The following HMCN1 variants were observed in gnomAD, a reference collection of about 807,000 sequenced individuals.
The protein encoded by HMCN1 is hemicentin-1.
A neutral mutation model predicts 625.9 loss-of-function variants in HMCN1; 321 were observed. That is an observed-to-expected ratio of 0.51 (90% confidence interval 0.47 to 0.56). The LOEUF is 0.56. HMCN1 is among the 20% of genes least tolerant of loss of function. The pLI, the probability that HMCN1 is intolerant of heterozygous loss-of-function variation, is 0.00. For missense variants in HMCN1, 6,588 were observed against 6,887.3 expected (o/e 0.96, Z 1.54); for synonymous variants, 2,425 against 2,417.6 (o/e 1.00, Z -0.09).
Position 186,063,034 on chromosome 1 carries a change from ATGTGTGTGTGTGTG to A in HMCN1, c.7513+453_7513+466del, listed in dbSNP as rs376321567. On this transcript the variant is annotated intron_variant, in intron 48 of 106. Transcript: ENST00000271588. The stretch of plus-strand genomic sequence containing the variant: ...TTATGGATAGGTAGTATTCCATGGA[ATGTGTGTGTGTGTG>A]TGTGTGTGTGTGTGTGTGCATATAT... Among the ~76,000 whole-genome samples, 9 of 95,174 alleles carry A rather than the reference ATGTGTGTGTGTGTG, an allele frequency of 9.5e-5. 1 individual carries two copies. The highest frequency in any genetic ancestry group is 3.3e-4 in the Admixed American group (3 of 9,022). 62.4% of individuals were successfully genotyped at this position (95,174 alleles called of 152,430 possible). A position where few individuals can be genotyped will look rare whatever the true frequency, so the allele number is the denominator to read the frequency against.
chr1:186,122,899 C>T (rs1661462499), intron 80 of HMCN1, 52 bp from the exon 81 acceptor site: 1 of 1,578,994 alleles, frequency 6.3e-7, no homozygotes, highest in Admixed American at 1.7e-5. Flanking sequence ...GTAATTTGCG[C>T]ACTCATGCTT....
chr1:186,168,085 T>C (rs1651990471), intron 100 of HMCN1, among the ~76,000 whole-genome samples: 1 of 151,630 alleles, frequency 6.6e-6, no homozygotes, highest in Admixed American at 6.6e-5. Flanking sequence ...GAAAAGAGTA[T>C]GTAACTGGAA....
At chr1:186,107,706 C>T (rs915912686) in intron 70 of HMCN1, among the ~76,000 whole-genome samples, 1 of 152,052 alleles carries the variant, frequency 6.6e-6, no homozygotes, top group African/African-American at 2.4e-5. Flanking sequence ...TTTGCATGCA[C>T]ATGTTAGCCC....
At chr1:185,914,927 A>T (rs1258147890) in intron 6 of HMCN1, among the ~76,000 whole-genome samples, 1 of 152,040 alleles carries the variant, frequency 6.6e-6, no homozygotes, top group Non-Finnish European at 1.5e-5. Flanking sequence ...AAATTAATAC[A>T]TTTATTCTGA....
intron 11 of HMCN1, among the ~76,000 whole-genome samples, chr1:185,937,001 T>G (rs1179458424): frequency 6.6e-6 from 1 of 152,030 alleles, no homozygotes; most frequent in African/African-American, 2.4e-5. Flanking sequence ...CAGAAAACTA[T>G]CAAAATAAAT....
intron 48 of HMCN1, 92 bp downstream of exon 48, chr1:186,062,692 AG>A: frequency 2.5e-6 from 2 of 805,340 alleles, no homozygotes; most frequent in Non-Finnish European, 4.3e-6. Flanking sequence ...TTATATATTT[AG>A]GGGGTACAAG....
In HMCN1 at chr1:185,744,509, C is replaced by T. The variant is rs544974038; in HGVS notation, c.268+9462C>T. Among the ~76,000 whole-genome samples, 5 of 152,302 alleles carry T rather than the reference C, an allele frequency of 3.3e-5. No individual in the cohort carries two copies. The South Asian group carries it at 1.0e-3, about 32-fold the overall frequency. On this transcript the variant is annotated intron_variant, in intron 1 of 106. Transcript: ENST00000271588. ...AAGCCATTAGATCCACTCATTCATT[C>T]AGTTATTTAGTCTATCAATTACAGA...
In HMCN1 at chr1:186,015,367, A is replaced by G. The variant is rs1654295026; in HGVS notation, c.4839A>G (p.Ser1613=). 1.9e-6 allele frequency: 3 copies of G among 1,613,648 alleles called. No individual in the cohort carries two copies. The highest frequency in any genetic ancestry group is 2.5e-6 in the Non-Finnish European group (3 of 1,179,780). ...LHIPRAQVSD[S]ATYTCHVANV... ...TTCCTCGAGCACAGGTCTCTGATTC[A>G]GCAACATATACGTGTCATGTAGCCA... The change falls in exon 31 of 107, where the codon TCA becomes TCG. Residue 1613 remains serine, a synonymous_variant. Coordinates refer to ENST00000271588, the MANE Select transcript of HMCN1 (RefSeq NM_031935.3).
chr1:186,121,305 G>A (rs1023051895), intron 80 of HMCN1, among the ~76,000 whole-genome samples: 7 of 152,122 alleles, frequency 4.6e-5, no homozygotes, highest in Admixed American at 1.3e-4. Context: ...GCTTATCCAG[G>A]ACTCTCATTT....
intron 1 of HMCN1, among the ~76,000 whole-genome samples, chr1:185,818,410 T>C (rs1407015115): frequency 6.6e-6 from 1 of 152,194 alleles, no homozygotes; most frequent in East Asian, 1.9e-4. Flanking sequence ...TAGCTTCTTA[T>C]CACTATTTGT....
chr1:185,775,701 A>G (rs1656552641), intron 1 of HMCN1, among the ~76,000 whole-genome samples: 1 of 152,200 alleles, frequency 6.6e-6, no homozygotes. Flanking sequence ...TTGATTGTGA[A>G]TGCAGCCTGA....
intron 6 of HMCN1, among the ~76,000 whole-genome samples, chr1:185,912,710 A>G (rs1279861078): frequency 6.6e-6 from 1 of 152,052 alleles, no homozygotes; most frequent in East Asian, 1.9e-4. Context: ...CTGAAGGAAC[A>G]CACTCCAGGT....
intron 4 of HMCN1, among the ~76,000 whole-genome samples, chr1:185,892,760 TTTTG>T (rs1558045647): frequency 6.6e-6 from 1 of 152,118 alleles, no homozygotes. Context: ...ACTGCCGTCT[TTTTG>T]TTTGTCTGTG....
At chr1:185,906,800 T>C (rs1220678946) in intron 4 of HMCN1, among the ~76,000 whole-genome samples, 2 of 151,832 alleles carry the variant, frequency 1.3e-5, no homozygotes, top group Non-Finnish European at 2.9e-5. Context: ...GACCAGATTA[T>C]GTGTGTTGTC....
intron 89 of HMCN1, among the ~76,000 whole-genome samples, chr1:186,141,881 C>A (rs1339864424): frequency 1.3e-5 from 2 of 152,284 alleles, no homozygotes; most frequent in East Asian, 3.9e-4. Context: ...GCCTGGAGAC[C>A]CATTCCTAGC....
chr1:185,784,558 A>G (rs1464752945), intron 1 of HMCN1, among the ~76,000 whole-genome samples: 1 of 150,784 alleles, frequency 6.6e-6, no homozygotes, highest in East Asian at 2.0e-4. Context: ...GTTGGTTTTG[A>G]TAGTTGTGCT....
chr1:186,069,798 T>C (rs1255206751), intron 51 of HMCN1, 22 bp downstream of exon 51: 1 of 1,504,064 alleles, frequency 6.6e-7, no homozygotes, highest in Non-Finnish European at 9.2e-7. Flanking sequence ...AAGAATACTA[T>C]GTTTCATAGC....
intron 6 of HMCN1, among the ~76,000 whole-genome samples, chr1:185,914,499 T>C (rs935250869): frequency 3.3e-5 from 5 of 152,098 alleles, no homozygotes; most frequent in African/African-American, 4.8e-5. Flanking sequence ...GACCACCCAA[T>C]TGAGCCTCAA....
chr1:185,870,595 G>A (rs1663552523), intron 4 of HMCN1, among the ~76,000 whole-genome samples: 1 of 152,062 alleles, frequency 6.6e-6, no homozygotes, highest in African/African-American at 2.4e-5. Flanking sequence ...GTAGGTGTAT[G>A]TATTTATGGG....
Sources: gnomAD v4.1 joint callset for allele counts (sites outside exome capture counted in the v4.1 genomes callset) on GRCh38, gnomAD v4.1.1 for gene constraint, MANE v1.5 for transcripts, NCBI Gene and HGNC (gene_info 2026-07-23, HGNC 2026-07-21) for gene names.